The following FGFR2 variants were observed in gnomAD, a reference collection of about 807,000 sequenced individuals.
FGFR2 encodes the protein fibroblast growth factor receptor 2, also known as BEK fibroblast growth factor receptor.
FGFR2 carries 19 observed loss-of-function variants against 95.9 expected under a neutral mutation model. That is an observed-to-expected ratio of 0.20 (90% CI 0.14 to 0.29). The LOEUF (loss-of-function observed/expected upper bound fraction) is 0.29, where lower values mean the gene tolerates loss of function less well. Among genes scored for constraint, FGFR2 ranks in the 10% least tolerant of loss-of-function variants. FGFR2 has a pLI of 1.00. For missense variants in FGFR2, 707 were observed against 1,056.9 expected (o/e 0.67, Z 4.59); for synonymous variants, 392 against 393.3 (o/e 1.00, Z 0.04).
At chr10:121,508,607 A>G (rs935867004) in intron 9 of FGFR2, among the ~76,000 whole-genome samples, 1 of 152,226 alleles carries the variant, frequency 6.6e-6, no homozygotes, top group African/African-American at 2.4e-5. Flanking sequence ...TAAATAAATA[A>G]GAAAGCCTTT....
At chr10:121,490,483 A>T (rs1326420438) in intron 13 of FGFR2, among the ~76,000 whole-genome samples, 1 of 152,082 alleles carries the variant, frequency 6.6e-6, no homozygotes, top group Non-Finnish European at 1.5e-5. Context: ...TCCTTTCTAC[A>T]AATGATACGC....
chr10:121,575,438 G>A (rs1227447991), intron 2 of FGFR2, among the ~76,000 whole-genome samples: 1 of 152,176 alleles, frequency 6.6e-6, no homozygotes, highest in East Asian at 1.9e-4. Flanking sequence ...GTCCCAACAC[G>A]TGTATTAAAG....
At chr10:121,540,470 C>T (rs1356188783) in intron 5 of FGFR2, among the ~76,000 whole-genome samples, 3 of 152,192 alleles carry the variant, frequency 2.0e-5, no homozygotes, top group Non-Finnish European at 4.4e-5. Context: ...GATGCTAAAT[C>T]TTCCAGCGCA....
At chr10:121,565,402 G>A (rs773929004) in intron 3 of FGFR2, 36 bp downstream of exon 3, 12 of 1,612,848 alleles carry the variant, frequency 7.4e-6, no homozygotes, top group South Asian at 6.6e-5. Context: ...AATGGCTACA[G>A]AGAAGAGAGA....
At chr10:121,504,012 C>T (rs757241645) in intron 9 of FGFR2, 71 bp from the exon 10 acceptor site, 10 of 1,576,634 alleles carry the variant, frequency 6.3e-6, no homozygotes, top group Non-Finnish European at 8.7e-6. Flanking sequence ...CAGCCAGAGC[C>T]CAGCCAGAGT....
chr10:121,555,352 G>A (rs1052036143), intron 4 of FGFR2, among the ~76,000 whole-genome samples: 9 of 148,458 alleles, frequency 6.1e-5, no homozygotes, highest in Admixed American at 2.0e-4. Flanking sequence ...CAGCCTGGGC[G>A]ACAAGAGCAA....
intron 9 of FGFR2, among the ~76,000 whole-genome samples, chr10:121,508,484 A>AATCT (rs776468803): frequency 1.3e-5 from 2 of 152,170 alleles, no homozygotes; most frequent in Non-Finnish European, 2.9e-5. Context: ...ACCCCAAAGG[A>AATCT]ATCTGCATCC....
At chr10:121,592,710 C>T (rs1001930252) in intron 2 of FGFR2, among the ~76,000 whole-genome samples, 2 of 152,142 alleles carry the variant, frequency 1.3e-5, no homozygotes, top group East Asian at 1.9e-4. Context: ...ACCCCACGCA[C>T]GAGATGTGTT....
chr10:121,491,486 G>A (rs1313668062), intron 13 of FGFR2, among the ~76,000 whole-genome samples: 4 of 152,186 alleles, frequency 2.6e-5, no homozygotes, highest in Non-Finnish European at 1.5e-5. Context: ...CCTGTGCCCA[G>A]TATGGCTGAT....
rs143798535 is a variant in FGFR2 at position 121,497,931 on chromosome 10, G to A, written c.1672+564C>T. Reference sequence around the variant, plus strand: ...AGAAATTGCTAAGTCAAAGATAGGCGTTTTCAAGTTTACTAATTACTTAGC... The same window carrying A: ...AGAAATTGCTAAGTCAAAGATAGGCATTTTCAAGTTTACTAATTACTTAGC... On this transcript the variant is annotated intron_variant, in intron 12 of 17. Transcript: ENST00000358487. Among the ~76,000 whole-genome samples, 24 of 152,264 alleles carry A rather than the reference G, an allele frequency of 1.6e-4. No individual in the cohort carries two copies. In the East Asian group the frequency reaches 3.9e-3, roughly 24 times the overall value.
At chr10:121,568,169 G>A (rs1320129122) in intron 2 of FGFR2, among the ~76,000 whole-genome samples, 1 of 152,066 alleles carries the variant, frequency 6.6e-6, no homozygotes, top group East Asian at 1.9e-4. Context: ...CCAAATCTTG[G>A]CCCATCTCCC....
At chr10:121,558,333 ACTTT>A (rs1856471895) in intron 4 of FGFR2, among the ~76,000 whole-genome samples, 2 of 152,216 alleles carry the variant, frequency 1.3e-5, no homozygotes, top group Admixed American at 6.5e-5. Flanking sequence ...TGAAACTGCA[ACTTT>A]CTTTCTGGAG....
At chr10:121,555,772 T>C (rs1196591444) in intron 4 of FGFR2, among the ~76,000 whole-genome samples, 4 of 152,216 alleles carry the variant, frequency 2.6e-5, no homozygotes, top group Non-Finnish European at 5.9e-5. Flanking sequence ...TATCATTTTC[T>C]ACACTGTAAC....
chr10:121,585,810 G>A (rs1010436926), intron 2 of FGFR2, among the ~76,000 whole-genome samples: 2 of 152,120 alleles, frequency 1.3e-5, no homozygotes, highest in African/African-American at 4.8e-5. Context: ...AAATGTCCAC[G>A]ATATATATTC....
At chr10:121,566,996 T>C (rs557636279) in intron 2 of FGFR2, among the ~76,000 whole-genome samples, 45 of 152,126 alleles carry the variant, frequency 3.0e-4, no homozygotes, top group Non-Finnish European at 5.4e-4. Flanking sequence ...AGAAGGAGGC[T>C]TTCATCCCTC....
Position 121,482,257 on chromosome 10 carries a change from CAGA to C in FGFR2, c.2301+1438_2301+1440del, listed in dbSNP as rs574671640. 380 of 1,402,786 alleles carry C rather than the reference CAGA, an allele frequency of 2.7e-4. 1 individual carries two copies. The highest frequency in any genetic ancestry group is 1.8e-3 in the Admixed American group (100 of 56,604). The allele number at this position is 1,402,786 out of a possible 1,614,324, so 86.9% of individuals were successfully genotyped here. A position where few individuals can be genotyped will look rare whatever the true frequency, so the allele number is the denominator to read the frequency against. ...CTTATACTAGAAACAACAATTTTGG[CAGA>C]AGAAGAAAGTTGGTTTCTTCCCCCC... is the stretch of plus-strand genomic sequence containing the variant. On this transcript the variant is annotated intron_variant, in intron 17 of 17. Coordinates refer to ENST00000358487, the MANE Select transcript of FGFR2 (RefSeq NM_000141.5).
chr10:121,540,532 T>C (rs1180846070), intron 5 of FGFR2, among the ~76,000 whole-genome samples: 5 of 152,174 alleles, frequency 3.3e-5, no homozygotes, highest in Non-Finnish European at 7.4e-5. Context: ...AACGGCATCG[T>C]TATGCTAAGA....
intron 4 of FGFR2, among the ~76,000 whole-genome samples, chr10:121,559,800 G>A (rs1235377217): frequency 6.6e-6 from 1 of 152,180 alleles, no homozygotes; most frequent in African/African-American, 2.4e-5. Context: ...CATGGGCGCT[G>A]GGCAGTTAGG....
intron 4 of FGFR2, among the ~76,000 whole-genome samples, chr10:121,557,691 T>A (rs1282084628): frequency 6.6e-6 from 1 of 152,184 alleles, no homozygotes. Context: ...GTTGTTTTTA[T>A]TACTGATATT....
Sources: gnomAD v4.1 joint callset for allele counts (sites outside exome capture counted in the v4.1 genomes callset) on GRCh38, gnomAD v4.1.1 for gene constraint, MANE v1.5 for transcripts, NCBI Gene and HGNC (gene_info 2026-07-23, HGNC 2026-07-21) for gene names.